ACACA: variants seen among roughly 807,000 people sequenced by gnomAD.
The protein encoded by ACACA is acetyl-CoA carboxylase 1.
Under a neutral mutation model 296.1 loss-of-function variants are expected in ACACA, and 103 were observed. That is an observed-to-expected ratio of 0.35 (90% CI 0.30 to 0.41). The LOEUF (loss-of-function observed/expected upper bound fraction) is 0.41. Ranked by LOEUF, ACACA falls within the 10% of genes least tolerant of loss-of-function variation. The pLI, the probability that ACACA is intolerant of heterozygous loss-of-function variation, is 1.00. For missense variants in ACACA, 1,554 were observed against 2,989.7 expected, an observed-to-expected ratio of 0.52 and a Z score of 11.20; for synonymous variants, 953 against 1,038.6, an observed-to-expected ratio of 0.92 and a Z score of 1.58.
chr17:37,270,511 A>G (rs1205425484), intron 10 of ACACA, among the ~76,000 whole-genome samples: 2 of 152,204 alleles, frequency 1.3e-5, no homozygotes, highest in Non-Finnish European at 2.9e-5. Context: ...ACGTTTATAT[A>G]AGACAGAATA....
At chr17:37,319,509 A>T (rs1157531170) in intron 3 of ACACA, among the ~76,000 whole-genome samples, 1 of 152,068 alleles carries the variant, frequency 6.6e-6, no homozygotes, top group Non-Finnish European at 1.5e-5. Flanking sequence ...CTGCTTCTTT[A>T]ATAAAGCATG....
intron 25 of ACACA, among the ~76,000 whole-genome samples, chr17:37,230,227 A>G (rs567341971): frequency 6.6e-6 from 1 of 151,874 alleles, no homozygotes; most frequent in Non-Finnish European, 1.5e-5. Context: ...TCTACTAAAA[A>G]TACAAAATTA....
At chr17:37,257,367 C>G (rs748252929) in intron 14 of ACACA, among the ~76,000 whole-genome samples, 6 of 152,186 alleles carry the variant, frequency 3.9e-5, no homozygotes, top group South Asian at 2.1e-4. Flanking sequence ...ATACCTAGTT[C>G]TTGGCCAAGA....
At chr17:37,202,250 A>G (rs1181648683) in intron 33 of ACACA, among the ~76,000 whole-genome samples, 5 of 152,366 alleles carry the variant, frequency 3.3e-5, no homozygotes, top group African/African-American at 1.2e-4. Context: ...TAATAATGCC[A>G]TGATTTAAAA....
At chr17:37,355,608 C>A (rs369118807) in intron 1 of ACACA, among the ~76,000 whole-genome samples, 1 of 151,842 alleles carries the variant, frequency 6.6e-6, no homozygotes, top group African/African-American at 2.4e-5. Flanking sequence ...ATAATCCCAG[C>A]AATTTGGGAG....
intron 35 of ACACA, among the ~76,000 whole-genome samples, chr17:37,196,304 A>G (rs2077993273): frequency 6.6e-6 from 1 of 152,088 alleles, no homozygotes. Flanking sequence ...AAAGAAAAAA[A>G]GAACTACTAA....
rs373316932 is a variant in ACACA, at chr17:37,281,134, C to T, written c.610+2133G>A. ...GGAATGCAGTGGCACGATCTCAGCT[C>T]ACCACAACCTCCTCCTCCTGGGTTC... On this transcript the variant is annotated intron_variant, in intron 5 of 55. Transcript: ENST00000616317. 2.7e-5 allele frequency among the ~76,000 whole-genome samples: 4 copies of T among 150,764 alleles called. No homozygotes were observed. In the East Asian group the frequency reaches 7.8e-4, roughly 30 times the overall value.
chr17:37,307,993 G>A (rs1218080839), intron 3 of ACACA, among the ~76,000 whole-genome samples: 1 of 151,790 alleles, frequency 6.6e-6, no homozygotes, highest in African/African-American at 2.4e-5. Context: ...CTGAAAAACT[G>A]AACATACATA....
rs1197786714 is a variant in ACACA at position 37,113,790 on chromosome 17, C to A, written c.6275-525G>T. Among the ~76,000 whole-genome samples, 1 of 152,092 alleles carries A rather than the reference C, an allele frequency of 6.6e-6. No homozygotes were observed. Among genetic ancestry groups the A allele is most frequent in the East Asian group, 1.9e-4 (1 of 5,196 alleles). ...CATCTTGGTATCCCGATATCCCTGC[C>A]CAGTGCCTGAACATAGTTAGTGCTC... On this transcript the variant is annotated intron_variant, in intron 50 of 55. Transcript: ENST00000616317. This position sits in a 1 kb window ranked among gnomAD's most constrained non-coding sequence, Gnocchi z 4.0.
Position 37,301,672 on chromosome 17 carries a change from G to C in ACACA, c.339-16702C>G, listed in dbSNP as rs1450820811. 2.6e-5 allele frequency among the ~76,000 whole-genome samples: 4 copies of C among 152,300 alleles called. No individual in the cohort carries two copies. The East Asian group carries it at 5.8e-4, about 22-fold the overall frequency. ...TCTGATCCATTGACCTATATGCCTAGCCTTGAAGCAATGCCACATGGTCTT... is the reference window on the plus strand; with the variant it reads ...TCTGATCCATTGACCTATATGCCTACCCTTGAAGCAATGCCACATGGTCTT... On this transcript the variant is annotated intron_variant, in intron 3 of 55. Coordinates refer to ENST00000616317, the MANE Select transcript of ACACA (RefSeq NM_198834.3).
intron 54 of ACACA, among the ~76,000 whole-genome samples, chr17:37,093,329 C>T (rs1597793522): frequency 6.6e-6 from 1 of 152,174 alleles, no homozygotes; most frequent in East Asian, 1.9e-4. Context: ...CATGCCAAAC[C>T]AAAGAGCGTC....
At position 37,149,901 on chromosome 17, in the gene ACACA, G is replaced by C; in HGVS notation, c.5642C>G (p.Ser1881Cys). 4 of 1,614,194 alleles carry C rather than the reference G, an allele frequency of 2.5e-6. No individual in the cohort carries two copies. Among genetic ancestry groups the C allele is most frequent in the Non-Finnish European group, 3.4e-6 (4 of 1,180,028 alleles). The change falls in exon 45 of 56, where the codon TCT (serine) becomes TGT (cysteine). Residue 1881 changes from serine (S) to cysteine (C), a missense_variant. Transcript: ENST00000616317. ...TCCAGCTCCTGTTAGAATTAAGTGA[G>C]AATTCTCAACCTGGATGGTTCTCTG... ...LGQRTIQVEN[S>C]HLILTGAGAL...
At chr17:37,215,973 C>T (rs1454433338) in intron 29 of ACACA, among the ~76,000 whole-genome samples, 3 of 151,826 alleles carry the variant, frequency 2.0e-5, no homozygotes, top group African/African-American at 7.3e-5. Context: ...AGACTAGTTG[C>T]CCTGAATATT....
intron 37 of ACACA, among the ~76,000 whole-genome samples, chr17:37,191,643 A>G (rs2077756090): frequency 6.6e-6 from 1 of 152,232 alleles, no homozygotes; most frequent in Non-Finnish European, 1.5e-5. Context: ...AATAATGAAC[A>G]CATCAGGAAG....
intron 3 of ACACA, among the ~76,000 whole-genome samples, chr17:37,290,628 C>A (rs1287220501): frequency 2.6e-5 from 4 of 152,082 alleles, no homozygotes. Flanking sequence ...AACTTGATAC[C>A]CTACAATACT....
At chr17:37,298,412 G>A (rs889532956) in intron 3 of ACACA, among the ~76,000 whole-genome samples, 1 of 152,150 alleles carries the variant, frequency 6.6e-6, no homozygotes, top group Non-Finnish European at 1.5e-5. Context: ...GGGATGCCAG[G>A]CACAGTGGCC....
intron 1 of ACACA, among the ~76,000 whole-genome samples, chr17:37,388,084 G>A (rs1423952334): frequency 6.6e-6 from 1 of 152,106 alleles, no homozygotes; most frequent in Non-Finnish European, 1.5e-5. Context: ...AGGATGGTTT[G>A]AGCCTGGGAG....
chr17:37,158,285 G>A (rs1370341376), intron 42 of ACACA, among the ~76,000 whole-genome samples: 1 of 152,142 alleles, frequency 6.6e-6, no homozygotes, highest in African/African-American at 2.4e-5. Flanking sequence ...TCAGGGGTAA[G>A]ATATAAATTT....
intron 1 of ACACA, among the ~76,000 whole-genome samples, chr17:37,395,079 T>C (rs981864789): frequency 2.6e-5 from 4 of 152,042 alleles, no homozygotes; most frequent in African/African-American, 9.7e-5. Flanking sequence ...TATAAATATA[T>C]ATACACATAT....
Sources: gnomAD v4.1 joint callset for allele counts (sites outside exome capture counted in the v4.1 genomes callset) on GRCh38, gnomAD v4.1.1 for gene constraint, Gnocchi (gnomAD v3.1) non-coding constraint, MANE v1.5 for transcripts, NCBI Gene and HGNC (gene_info 2026-07-23, HGNC 2026-07-21) for gene names.